PAPPA2: variants seen among roughly 807,000 people sequenced by gnomAD.
PAPPA2 encodes pappalysin 2, also known as pappalysin-2.
Under a neutral mutation model 176.4 loss-of-function variants are expected in PAPPA2, and 86 were observed. That is an observed-to-expected ratio of 0.49 (90% CI 0.41 to 0.58). PAPPA2 has a LOEUF of 0.58. Ranked by LOEUF, PAPPA2 falls within the 20% of genes least tolerant of loss-of-function variation. The pLI, the probability that PAPPA2 is intolerant of heterozygous loss-of-function variation, is 0.00. For missense variants in PAPPA2, 2,073 were observed against 2,256.9 expected (o/e 0.92, Z 1.65); for synonymous variants, 809 against 852.2 (o/e 0.95, Z 0.88).
intron 20 of PAPPA2, 22 bp downstream of exon 20, chr1:176,793,691 T>C (rs1204102412): frequency 6.5e-7 from 1 of 1,543,552 alleles, no homozygotes; most frequent in Non-Finnish European, 8.9e-7. Flanking sequence ...GACATTGTTA[T>C]GTGCCAAAGA....
intron 21 of PAPPA2, among the ~76,000 whole-genome samples, chr1:176,817,368 G>A (rs1666446021): frequency 6.6e-6 from 1 of 152,140 alleles, no homozygotes; most frequent in Non-Finnish European, 1.5e-5. Context: ...GGCCAGATTA[G>A]GAAGAGTGTT....
intron 2 of PAPPA2, among the ~76,000 whole-genome samples, chr1:176,566,728 C>T (rs1652006626): frequency 6.6e-6 from 1 of 152,214 alleles, no homozygotes; most frequent in African/African-American, 2.4e-5. Context: ...TGTCCTTCCT[C>T]ACCTCCTGCC....
intron 1 of PAPPA2, among the ~76,000 whole-genome samples, chr1:176,473,103 A>G (rs961967757): frequency 6.6e-6 from 1 of 152,212 alleles, no homozygotes; most frequent in Admixed American, 6.5e-5. Context: ...TTTGAAATTC[A>G]TAATGATATG....
At position 176,740,034 on chromosome 1, in the gene PAPPA2, A is replaced by C. The variant is rs1009355858; in HGVS notation, c.3989A>C (p.His1330Pro). Residue 1330 changes from histidine (H) to proline (P), a missense_variant, in exon 14 of 23, where the codon CAC (histidine) becomes CCC (proline). Transcript: ENST00000367662. The part of the protein sequence containing the change: ...HNPLIINVTH[H>P]QNVLFHHTTS... ...CCACTGATTATCAATGTGACCCATC[A>C]CCAGAATGTCCTTTTCCACCATACC... 15 of 1,613,962 alleles carry C rather than the reference A, an allele frequency of 9.3e-6. No homozygotes were observed. The highest frequency in any genetic ancestry group is 1.3e-5 in the Non-Finnish European group (15 of 1,179,898).
intron 1 of PAPPA2, among the ~76,000 whole-genome samples, chr1:176,473,816 C>T (rs1254815335): frequency 6.6e-6 from 1 of 152,150 alleles, no homozygotes; most frequent in Non-Finnish European, 1.5e-5. Flanking sequence ...TGCTTATTTA[C>T]CATCTCCTCT....
At chr1:176,479,587 G>T (rs1490438286) in intron 1 of PAPPA2, among the ~76,000 whole-genome samples, 1 of 152,156 alleles carries the variant, frequency 6.6e-6, no homozygotes, top group Non-Finnish European at 1.5e-5. Context: ...GGGCATTCTT[G>T]TAGGTATTTG....
intron 10 of PAPPA2, among the ~76,000 whole-genome samples, chr1:176,709,311 C>T (rs1300036093): frequency 6.6e-6 from 1 of 152,066 alleles, no homozygotes; most frequent in African/African-American, 2.4e-5. Flanking sequence ...GCTTACCTTT[C>T]GAGGGTCCTC....
chr1:176,682,893 T>G (rs1172422187), intron 4 of PAPPA2, among the ~76,000 whole-genome samples: 1 of 152,126 alleles, frequency 6.6e-6, no homozygotes, highest in Non-Finnish European at 1.5e-5. Flanking sequence ...CATAGGCACA[T>G]GCAGACCAGC....
intron 2 of PAPPA2, among the ~76,000 whole-genome samples, chr1:176,581,625 A>G (rs1040856234): frequency 6.6e-6 from 1 of 151,982 alleles, no homozygotes; most frequent in African/African-American, 2.4e-5. Context: ...TGCCTTCTTT[A>G]TTTCTTTCAT....
intron 12 of PAPPA2, among the ~76,000 whole-genome samples, chr1:176,723,923 T>C (rs1661740703): frequency 6.6e-6 from 1 of 152,156 alleles, no homozygotes; most frequent in South Asian, 2.1e-4. Context: ...CCTTGTGAGT[T>C]TGGCAAGGTA....
intron 3 of PAPPA2, among the ~76,000 whole-genome samples, chr1:176,623,758 C>CCTTCCTTCCTTCCTTTCTTTCTTTCTTT (rs1198828841): frequency 1.7e-5 from 1 of 59,060 alleles, no homozygotes; most frequent in African/African-American, 7.6e-5. Flanking sequence ...TTCCTTCCTT[C>CCTTCCTTCCTTCCTTTCTTTCTTTCTTT]CTTTCTTTCT....
At chr1:176,770,126 T>C (rs1237059502) in intron 16 of PAPPA2, among the ~76,000 whole-genome samples, 1 of 152,200 alleles carries the variant, frequency 6.6e-6, no homozygotes, top group Non-Finnish European at 1.5e-5. Context: ...AAATTTAATA[T>C]TTACAGCCAT....
At position 176,707,074 on chromosome 1, in the gene PAPPA2, A is replaced by T. The variant is rs1660911540; in HGVS notation, c.3457+624A>T. On this transcript the variant is annotated intron_variant, in intron 10 of 22. Coordinates refer to ENST00000367662, the MANE Select transcript of PAPPA2 (RefSeq NM_020318.3). The stretch of plus-strand genomic sequence containing the variant: ...GGAGGCAGTCTACAACACTTTTCCA[A>T]TTCTGATTAAAGCTACCATCAACAG... 5.3e-5 allele frequency among the ~76,000 whole-genome samples: 8 copies of T among 152,170 alleles called. 1 individual carries two copies. The highest frequency in any genetic ancestry group is 3.9e-4 in the Admixed American group (6 of 15,272).
chr1:176,600,839 T>C (rs1654280696), intron 3 of PAPPA2, among the ~76,000 whole-genome samples: 1 of 152,162 alleles, frequency 6.6e-6, no homozygotes, highest in South Asian at 2.1e-4. Context: ...CCTTCGACTG[T>C]TGAGGGAGAG....
chr1:176,834,610 C>T (rs990411878), intron 21 of PAPPA2, among the ~76,000 whole-genome samples: 2 of 152,134 alleles, frequency 1.3e-5, no homozygotes, highest in African/African-American at 2.4e-5. Flanking sequence ...CCCAAGTCTC[C>T]GAAGGAGCAA....
chr1:176,667,616 A>G (rs1405484110), intron 3 of PAPPA2, among the ~76,000 whole-genome samples: 13 of 152,136 alleles, frequency 8.5e-5, no homozygotes, highest in Admixed American at 8.5e-4. Flanking sequence ...CCTTGAAGGA[A>G]GAGGCAGTGC....
At chr1:176,586,453 C>A (rs1381849234) in intron 2 of PAPPA2, among the ~76,000 whole-genome samples, 1 of 152,098 alleles carries the variant, frequency 6.6e-6, no homozygotes, top group Non-Finnish European at 1.5e-5. Flanking sequence ...CACCCCCATA[C>A]CCCAACAGGC....
At chr1:176,469,841 C>T (rs1343869162) in intron 1 of PAPPA2, among the ~76,000 whole-genome samples, 1 of 152,160 alleles carries the variant, frequency 6.6e-6, no homozygotes, top group African/African-American at 2.4e-5. Context: ...ATTCCAGGGC[C>T]ACAAGCACGT....
intron 14 of PAPPA2, among the ~76,000 whole-genome samples, chr1:176,750,329 G>A (rs922632295): frequency 3.9e-5 from 6 of 152,126 alleles, no homozygotes; most frequent in Non-Finnish European, 8.8e-5. Flanking sequence ...CAATTGTCCA[G>A]GCGCGGTGGC....
Sources: allele counts gnomAD v4.1 joint callset (sites outside exome capture counted in the v4.1 genomes callset), GRCh38; gene constraint gnomAD v4.1.1; transcripts MANE v1.5; gene names NCBI Gene and HGNC (gene_info 2026-07-23, HGNC 2026-07-21).